PLA2G12A: variants seen among roughly 807,000 people sequenced by gnomAD.
The protein encoded by PLA2G12A is group XIIA secretory phospholipase A2.
Under a neutral mutation model 16.0 loss-of-function variants are expected in PLA2G12A, and 11 were observed. That is an observed-to-expected ratio of 0.69 (90% CI 0.43 to 1.13). The LOEUF is 1.13. PLA2G12A is among the 50% of genes most tolerant of loss of function. The pLI is 0.00. For missense variants in PLA2G12A, 214 were observed against 237.3 expected (o/e 0.90, Z 0.65); for synonymous variants, 77 against 93.8 (o/e 0.82, Z 1.03).
In PLA2G12A at chr4:109,714,456, A is replaced by T. The variant is rs200797816; in HGVS notation, c.491T>A (p.Ile164Lys). The T allele has an allele frequency of 1.2e-6, 2 of 1,614,078 alleles. No individual in the cohort carries two copies. Among genetic ancestry groups the T allele is most frequent in the Admixed American group, 1.7e-5 (1 of 60,024 alleles). The stretch of plus-strand genomic sequence containing the variant: ...CAGATATGGTTTACAACCTAAATGT[A>T]TAACACTGTCAAACAAGAGCTCCAC... ...TTVELLFDSV[I>K]HLGCKPYLDS... is the part of the protein sequence containing the mutation. Residue 164 changes from isoleucine to lysine, a missense_variant, in exon 4 of 4, where the codon ATA (isoleucine) becomes AAA (lysine). Transcript: ENST00000243501.
chr4:109,721,741 G>A (rs551248782), intron 1 of PLA2G12A, among the ~76,000 whole-genome samples: 10 of 152,202 alleles, frequency 6.6e-5, no homozygotes, highest in Non-Finnish European at 1.2e-4. Context: ...CCTCAAATTT[G>A]CTCCATTCAC....
Position 109,713,719 on chromosome 4 carries a change from C to G in PLA2G12A, c.*658G>C, listed in dbSNP as rs1730775027. ...GCATATTACATAACACTTAGCTATC[C>G]TGGGGTTGCTCCCTACGAGGTTATC... On this transcript the variant is annotated 3_prime_UTR_variant, in exon 4 of 4. Transcript: ENST00000243501. 6.6e-6 allele frequency: 1 copy of G among 152,246 alleles called. No homozygotes were observed. Among genetic ancestry groups the G allele is most frequent in the African/African-American group, 2.4e-5 (1 of 41,404 alleles). The allele number at this position is 152,246 out of a possible 1,614,324, so 9.4% of individuals were successfully genotyped here. A position where few individuals can be genotyped will look rare whatever the true frequency, so the allele number is the denominator to read the frequency against.
rs181918219 is a variant in PLA2G12A at position 109,729,218 on chromosome 4, C to T, written c.208+384G>A. On this transcript the variant is annotated intron_variant, in intron 1 of 3. Coordinates refer to ENST00000243501, the MANE Select transcript of PLA2G12A (RefSeq NM_030821.5). ...TGGTTTTTAAATTCTCAGTTTGCTT[C>T]GCATGTTCATCCAATTTACAGAAGC... is the stretch of plus-strand genomic sequence containing the variant. Among the ~76,000 whole-genome samples, 92 of 152,248 alleles carry T rather than the reference C, an allele frequency of 6.0e-4. No homozygotes were observed. In the Middle Eastern group the frequency reaches 0.01, roughly 17 times the overall value.
Position 109,720,221 on chromosome 4 carries a change from T to A in PLA2G12A, c.209-1462A>T, listed in dbSNP as rs538146875. 1.3e-3 allele frequency among the ~76,000 whole-genome samples: 203 copies of A among 152,332 alleles called. 1 individual carries two copies. Among genetic ancestry groups the A allele is most frequent in the Non-Finnish European group, 2.1e-3 (145 of 68,030 alleles). On this transcript the variant is annotated intron_variant, in intron 1 of 3. Transcript: ENST00000243501. ...TTTTGGGCTACAATTTATCTTGCCT[T>A]CTAAAATGAGATATTCCCAGGTATT...
At chr4:109,718,375 G>A (rs550299123) in intron 2 of PLA2G12A, among the ~76,000 whole-genome samples, 2 of 152,088 alleles carry the variant, frequency 1.3e-5, no homozygotes, top group East Asian at 1.9e-4. Flanking sequence ...TTTTAATGTC[G>A]AAAACATGAT....
intron 2 of PLA2G12A, 144 bp downstream of exon 2, chr4:109,718,539 C>A: frequency 3.3e-6 from 2 of 598,122 alleles, no homozygotes; most frequent in Non-Finnish European, 5.7e-6. Flanking sequence ...GTTAGTTTTG[C>A]CAAAAAGAAT....
At chr4:109,719,454 C>T (rs991851371) in intron 1 of PLA2G12A, among the ~76,000 whole-genome samples, 1 of 152,082 alleles carries the variant, frequency 6.6e-6, no homozygotes, top group African/African-American at 2.4e-5. Context: ...TAATGAAGTA[C>T]TTCTAAAGAA....
chr4:109,729,796 G>C lies in PLA2G12A; in HGVS notation c.14C>G (p.Ser5Trp), dbSNP rs775842216. The C allele has an allele frequency of 9.0e-6, 14 of 1,552,540 alleles. No individual in the cohort carries two copies. The highest frequency in any genetic ancestry group is 4.6e-4 in the Middle Eastern group (2 of 4,380). Residue 5 changes from serine (S) to tryptophan (W), a missense_variant, in exon 1 of 4, where the codon TCG becomes TGG. Ser to Trp is a radical substitution (Grantham distance 177). Transcript: ENST00000243501. The stretch of plus-strand genomic sequence containing the variant: ...GAGCAGGAGGGTGAGCGCGGGGCGC[G>C]AGAGCAGGGCCATGCGCGCAGCGCC... MALL[S>W]RPALTLLLLL...
rs1730782968 is a variant in PLA2G12A at position 109,714,028 on chromosome 4, T to A, written c.*349A>T. 1 of 189,558 alleles carries A rather than the reference T, an allele frequency of 5.3e-6. No individual in the cohort carries two copies. The highest frequency in any genetic ancestry group is 1.1e-5 in the Non-Finnish European group (1 of 91,124). 11.7% of individuals were successfully genotyped at this position (189,558 alleles called of 1,614,324 possible). A position where few individuals can be genotyped will look rare whatever the true frequency, so the allele number is the denominator to read the frequency against. ...TGAACAGACATTATGATGAATTTTA[T>A]ATTTGATCTCTTTTTTTGGTAAATG... On this transcript the variant is annotated 3_prime_UTR_variant, in exon 4 of 4. Transcript: ENST00000243501.
At chr4:109,717,456 G>C in intron 3 of PLA2G12A, 92 bp downstream of exon 3, 1 of 1,322,644 alleles carries the variant, frequency 7.6e-7, no homozygotes, top group Non-Finnish European at 1.0e-6. Flanking sequence ...ATATGTGAAA[G>C]ATTTCTATTG....
intron 2 of PLA2G12A, among the ~76,000 whole-genome samples, chr4:109,717,942 C>A (rs756214298): frequency 6.6e-6 from 1 of 152,148 alleles, no homozygotes; most frequent in Non-Finnish European, 1.5e-5. Context: ...TATTCTGCAG[C>A]GTTAGAACAC....
At chr4:109,728,826 T>A (rs1359359772) in intron 1 of PLA2G12A, among the ~76,000 whole-genome samples, 1 of 152,214 alleles carries the variant, frequency 6.6e-6, no homozygotes, top group East Asian at 1.9e-4. Flanking sequence ...ACATTTTCAA[T>A]TTCCAAACAA....
In PLA2G12A at chr4:109,729,400, C is replaced by T. The variant is rs535922774; in HGVS notation, c.208+202G>A. Among the ~76,000 whole-genome samples, 51 of 152,224 alleles carry T rather than the reference C, an allele frequency of 3.4e-4. No individual in the cohort carries two copies. In the South Asian group the frequency reaches 1.0e-2, roughly 30 times the overall value. On this transcript the variant is annotated intron_variant, in intron 1 of 3. Coordinates refer to ENST00000243501, the MANE Select transcript of PLA2G12A (RefSeq NM_030821.5). ...ACCTCTCCGTTAGAATGTGACCTCT[C>T]ACATTCTAACAATAGTGGTGCGAAC...
chr4:109,720,469 G>T (rs1433881056), intron 1 of PLA2G12A, among the ~76,000 whole-genome samples: 1 of 150,646 alleles, frequency 6.6e-6, no homozygotes, highest in Non-Finnish European at 1.5e-5. Context: ...TTTTGGCTGG[G>T]CGTGGTGGCT....
chr4:109,729,333 G>C (rs1289590594), intron 1 of PLA2G12A, among the ~76,000 whole-genome samples: 5 of 148,662 alleles, frequency 3.4e-5, no homozygotes, highest in Non-Finnish European at 7.4e-5. Context: ...TTGAGGGGGG[G>C]AAAAGGTAAT....
chr4:109,710,594 T>TG lies in PLA2G12A; in HGVS notation c.*3782dup, dbSNP rs1341562794. 3 of 152,262 alleles carry TG rather than the reference T, an allele frequency of 2.0e-5. No individual in the cohort carries two copies. The highest frequency in any genetic ancestry group is 4.4e-5 in the Non-Finnish European group (3 of 68,088). The allele number at this position is 152,262 out of a possible 1,614,324, so 9.4% of individuals were successfully genotyped here. ...AATTCTTGTGCCTTCACCTCCCGAG[T>TG]GGCTGGGATTACAGGCATGTGCCAC... On this transcript the variant is annotated 3_prime_UTR_variant, in exon 4 of 4. Transcript: ENST00000243501.
chr4:109,719,394 G>A (rs953084027), intron 1 of PLA2G12A, among the ~76,000 whole-genome samples: 1 of 151,888 alleles, frequency 6.6e-6, no homozygotes, highest in East Asian at 1.9e-4. Context: ...TAAGGAAAAG[G>A]TTAGGAGGGA....
chr4:109,712,168 G>T lies in PLA2G12A; in HGVS notation c.*2209C>A, dbSNP rs148330651. 2 of 152,200 alleles carry T rather than the reference G, an allele frequency of 1.3e-5. No homozygotes were observed. Among genetic ancestry groups the T allele is most frequent in the Non-Finnish European group, 2.9e-5 (2 of 68,042 alleles). 9.4% of individuals were successfully genotyped at this position (152,200 alleles called of 1,614,324 possible). On this transcript the variant is annotated 3_prime_UTR_variant, in exon 4 of 4. Transcript: ENST00000243501. ...ATCTGAAAAATAAAGTCAAAGTTCCGTTAATAGTAATTGCCATTGCTGGTT... is the reference window on the plus strand; with the variant it reads ...ATCTGAAAAATAAAGTCAAAGTTCCTTTAATAGTAATTGCCATTGCTGGTT...
In PLA2G12A at chr4:109,717,605, G is replaced by C. The variant is rs769496003; in HGVS notation, c.394C>G (p.Leu132Val). Residue 132 changes from leucine to valine, a missense_variant, in exon 3 of 4, where the codon CTC (leucine) becomes GTC (valine). Coordinates refer to ENST00000243501, the MANE Select transcript of PLA2G12A (RefSeq NM_030821.5). ...NDCDEEFQYC[L>V]SKICRDVQKT... ...TGTACATCTCGGCAGATCTTGGAGA[G>C]GCAATACTGGAATTCTTCATCACAG... is the stretch of plus-strand genomic sequence containing the variant. 6.2e-7 allele frequency: 1 copy of C among 1,613,814 alleles called. No homozygotes were observed. Among genetic ancestry groups the C allele is most frequent in the Non-Finnish European group, 8.5e-7 (1 of 1,179,724 alleles).
Sources: gnomAD v4.1 joint callset for allele counts (sites outside exome capture counted in the v4.1 genomes callset) on GRCh38, gnomAD v4.1.1 for gene constraint, MANE v1.5 for transcripts, NCBI Gene and HGNC (gene_info 2026-07-23, HGNC 2026-07-21) for gene names.